Variants in UNC5D observed in about 807,000 individuals in gnomAD.
UNC5D encodes the protein unc-5 netrin receptor D.
A neutral mutation model predicts 105.4 loss-of-function variants in UNC5D; 39 were observed. That is an observed-to-expected ratio of 0.37 (90% confidence interval 0.29 to 0.48). The LOEUF (loss-of-function observed/expected upper bound fraction) is 0.48, where lower values mean the gene tolerates loss of function less well. Among genes scored for constraint, UNC5D ranks in the 20% least tolerant of loss-of-function variants. The pLI, the probability that UNC5D is intolerant of heterozygous loss-of-function variation, is 0.98. For synonymous variants in UNC5D, 452 were observed against 450.4 expected (o/e 1.00, Z -0.04); for missense variants, 991 against 1,202.4 (o/e 0.82, Z 2.60).
intron 1 of UNC5D, among the ~76,000 whole-genome samples, chr8:35,251,784 A>AT (rs1397902897): frequency 6.6e-6 from 1 of 152,136 alleles, no homozygotes; most frequent in East Asian, 1.9e-4. Context: ...ATAAGAGGCC[A>AT]TATTTATGAA....
chr8:35,556,229 G>A (rs1342677895), intron 2 of UNC5D, among the ~76,000 whole-genome samples: 1 of 152,162 alleles, frequency 6.6e-6, no homozygotes, highest in Non-Finnish European at 1.5e-5. Flanking sequence ...AATGAGACAA[G>A]TGTATGGTGA....
chr8:35,387,173 A>G (rs573243563), intron 1 of UNC5D, among the ~76,000 whole-genome samples: 1 of 152,056 alleles, frequency 6.6e-6, no homozygotes, highest in South Asian at 2.1e-4. Context: ...ATCCTGGCTA[A>G]CATGGTGAAA....
intron 7 of UNC5D, among the ~76,000 whole-genome samples, chr8:35,689,454 A>G (rs1267255156): frequency 6.6e-6 from 1 of 152,202 alleles, no homozygotes; most frequent in Non-Finnish European, 1.5e-5. Context: ...TAGGATATGC[A>G]CACACATAGA....
intron 1 of UNC5D, among the ~76,000 whole-genome samples, chr8:35,471,699 C>T (rs1375420867): frequency 6.6e-6 from 1 of 152,038 alleles, no homozygotes; most frequent in Non-Finnish European, 1.5e-5. Flanking sequence ...TAAGATCTAG[C>T]AAAGCTATTG....
At chr8:35,766,849 G>A in intron 14 of UNC5D, 53 bp from the exon 15 acceptor site, 1 of 1,555,342 alleles carries the variant, frequency 6.4e-7, no homozygotes, top group Middle Eastern at 1.8e-4. Context: ...TCCTGTTCTA[G>A]TTCATCTCAG....
intron 1 of UNC5D, among the ~76,000 whole-genome samples, chr8:35,326,087 A>C (rs2980375): frequency 6.6e-6 from 1 of 152,234 alleles, no homozygotes; most frequent in Non-Finnish European, 1.5e-5. Context: ...CCATATAATG[A>C]ATACTTTTCT....
intron 16 of UNC5D, among the ~76,000 whole-genome samples, chr8:35,787,886 G>A (rs1413652442): frequency 1.3e-5 from 2 of 151,930 alleles, no homozygotes; most frequent in Admixed American, 1.3e-4. Context: ...ACCACACTCA[G>A]CCAAAACAAA....
intron 1 of UNC5D, among the ~76,000 whole-genome samples, chr8:35,251,157 T>C (rs1479468062): frequency 2.0e-5 from 3 of 152,200 alleles, no homozygotes; most frequent in Non-Finnish European, 4.4e-5. Context: ...GTTCTCATGT[T>C]GCTATAAGAA....
chr8:35,462,850 A>G (rs566717086), intron 1 of UNC5D, among the ~76,000 whole-genome samples: 14 of 152,270 alleles, frequency 9.2e-5, no homozygotes, highest in South Asian at 2.1e-4. Context: ...GGTTGGTCTC[A>G]TATCTCCATC....
intron 1 of UNC5D, among the ~76,000 whole-genome samples, chr8:35,318,476 A>C (rs187923618): frequency 6.6e-6 from 1 of 152,080 alleles, no homozygotes; most frequent in African/African-American, 2.4e-5. Flanking sequence ...TTTACTAACT[A>C]TGTGACCTGG....
intron 1 of UNC5D, among the ~76,000 whole-genome samples, chr8:35,468,509 T>G (rs1809474296): frequency 6.6e-6 from 1 of 152,220 alleles, no homozygotes; most frequent in African/African-American, 2.4e-5. Flanking sequence ...GAATATTCAG[T>G]GCCTAGCTAT....
intron 2 of UNC5D, among the ~76,000 whole-genome samples, chr8:35,564,151 A>AT (rs143530450): frequency 0.22 from 33,711 of 149,896 alleles, 5,734 homozygotes; most frequent in African/African-American, 0.47. Flanking sequence ...CTCCTCTTCA[A>AT]TTTTTTTTTT....
chr8:35,419,579 C>T (rs1212828563), intron 1 of UNC5D, among the ~76,000 whole-genome samples: 2 of 152,168 alleles, frequency 1.3e-5, no homozygotes, highest in Non-Finnish European at 2.9e-5. Flanking sequence ...CCCCCAAGGG[C>T]TGTTACAGCT....
intron 1 of UNC5D, among the ~76,000 whole-genome samples, chr8:35,467,905 A>G (rs530577081): frequency 3.3e-5 from 5 of 152,290 alleles, no homozygotes; most frequent in African/African-American, 1.2e-4. Context: ...ACCAATGACC[A>G]ATGTGATATT....
At chr8:35,242,467 TTTTA>T (rs577790221) in intron 1 of UNC5D, among the ~76,000 whole-genome samples, 14 of 151,850 alleles carry the variant, frequency 9.2e-5, no homozygotes, top group East Asian at 1.9e-4. Context: ...CAGCTTATTA[TTTTA>T]TTTATTTATT....
chr8:35,329,449 A>AAAG (rs1810439351), intron 1 of UNC5D, among the ~76,000 whole-genome samples: 1 of 151,720 alleles, frequency 6.6e-6, no homozygotes. Flanking sequence ...AAGGATAGAA[A>AAAG]AAGTAGACAT....
intron 1 of UNC5D, among the ~76,000 whole-genome samples, chr8:35,470,963 T>C (rs1292128817): frequency 6.6e-6 from 1 of 152,074 alleles, no homozygotes; most frequent in Non-Finnish European, 1.5e-5. Flanking sequence ...TGAGTTCCCA[T>C]TTTGTAACTA....
intron 1 of UNC5D, among the ~76,000 whole-genome samples, chr8:35,394,573 G>A (rs890207132): frequency 1.3e-5 from 2 of 151,362 alleles, no homozygotes; most frequent in Non-Finnish European, 2.9e-5. Context: ...TTTATGATGA[G>A]CATTTATTTT....
chr8:35,330,810 T>G (rs975723432), intron 1 of UNC5D, among the ~76,000 whole-genome samples: 1 of 152,174 alleles, frequency 6.6e-6, no homozygotes, highest in African/African-American at 2.4e-5. Context: ...GCGGATGCTT[T>G]GGCTTTCGAG....
Sources: gnomAD v4.1 joint callset for allele counts (sites outside exome capture counted in the v4.1 genomes callset) on GRCh38, gnomAD v4.1.1 for gene constraint, MANE v1.5 for transcripts, NCBI Gene and HGNC (gene_info 2026-07-23, HGNC 2026-07-21) for gene names.